The following ARB2A variants were observed in gnomAD, a reference collection of about 807,000 sequenced individuals.
The protein encoded by ARB2A is ARB2 cotranscriptional regulator A, also known as cotranscriptional regulator ARB2A.
At chr5:93,793,827 G>A in the ARB2A span, among the ~76,000 whole-genome samples, 1 of 152,176 alleles carries the variant, frequency 6.6e-6, no homozygotes, top group Admixed American at 6.5e-5. Flanking sequence ...AAGGTGACAT[G>A]CAGGTCCCAT....
chr5:94,038,459 A>AT, the ARB2A span, among the ~76,000 whole-genome samples: 5 of 152,088 alleles, frequency 3.3e-5, no homozygotes, highest in Non-Finnish European at 4.4e-5. Flanking sequence ...AGGGCTATGT[A>AT]TTTTTTAAAG....
At chr5:93,637,509 C>G in the ARB2A span, among the ~76,000 whole-genome samples, 2 of 151,966 alleles carry the variant, frequency 1.3e-5, no homozygotes, top group African/African-American at 4.8e-5. Flanking sequence ...CTAGGTTGTA[C>G]GTTAGTTGCA....
chr5:93,682,436 G>A, the ARB2A span, among the ~76,000 whole-genome samples: 1 of 150,440 alleles, frequency 6.6e-6, no homozygotes, highest in Non-Finnish European at 1.5e-5. Flanking sequence ...AAATTTCCCT[G>A]AATTTCTCTT....
chr5:93,670,570 A>G, the ARB2A span, among the ~76,000 whole-genome samples: 1 of 152,226 alleles, frequency 6.6e-6, no homozygotes, highest in Admixed American at 6.5e-5. Flanking sequence ...TCACTTAGAA[A>G]TACCTTCTAT....
chr5:93,822,399 G>A, the ARB2A span, among the ~76,000 whole-genome samples: 3 of 152,240 alleles, frequency 2.0e-5, no homozygotes, highest in African/African-American at 7.2e-5. Flanking sequence ...TGTAAAAACT[G>A]TCCAAAAGGA....
At chr5:94,076,302 A>G in the ARB2A span, among the ~76,000 whole-genome samples, 1 of 152,162 alleles carries the variant, frequency 6.6e-6, no homozygotes, top group Non-Finnish European at 1.5e-5. Context: ...GCTACTTTTC[A>G]CTGGGAAAGC....
chr5:93,640,312 A>G, the ARB2A span, among the ~76,000 whole-genome samples: 32 of 148,592 alleles, frequency 2.2e-4, no homozygotes, highest in Non-Finnish European at 4.2e-4. Context: ...AGCTGGGCAT[A>G]GTGGTGGGTG....
the ARB2A span, among the ~76,000 whole-genome samples, chr5:93,689,924 G>A: frequency 1.3e-5 from 2 of 152,076 alleles, no homozygotes; most frequent in Admixed American, 1.3e-4. Flanking sequence ...AAGTCAGGTG[G>A]GGCATCTCAT....
the ARB2A span, among the ~76,000 whole-genome samples, chr5:93,643,400 A>G: frequency 6.6e-6 from 1 of 152,206 alleles, no homozygotes; most frequent in Non-Finnish European, 1.5e-5. Context: ...GAAGTCCCAA[A>G]TTTGATGGCA....
At chr5:93,701,236 CT>C in the ARB2A span, among the ~76,000 whole-genome samples, 6 of 152,124 alleles carry the variant, frequency 3.9e-5, no homozygotes, top group African/African-American at 9.7e-5. Context: ...CAGTTTATCT[CT>C]TTTAAAATGC....
chr5:93,921,579 C>T, the ARB2A span, among the ~76,000 whole-genome samples: 4 of 151,834 alleles, frequency 2.6e-5, no homozygotes, highest in South Asian at 8.3e-4. Flanking sequence ...GACAAAAGTG[C>T]CCAATTCTGG....
At chr5:93,882,961 A>T in the ARB2A span, among the ~76,000 whole-genome samples, 1 of 151,560 alleles carries the variant, frequency 6.6e-6, no homozygotes, top group Non-Finnish European at 1.5e-5. Context: ...TGCCAAACCA[A>T]CCATAAGATG....
At chr5:93,717,384 A>G in the ARB2A span, among the ~76,000 whole-genome samples, 7 of 151,954 alleles carry the variant, frequency 4.6e-5, no homozygotes, top group African/African-American at 1.7e-4. Context: ...TGTGTGTGGC[A>G]AAACAACCAG....
At chr5:93,798,747 A>G in the ARB2A span, among the ~76,000 whole-genome samples, 2 of 152,130 alleles carry the variant, frequency 1.3e-5, no homozygotes, top group African/African-American at 4.8e-5. Flanking sequence ...TCCAAGTTCC[A>G]CAACTGATAA....
the ARB2A span, chr5:93,620,990 C>T: frequency 6.2e-7 from 1 of 1,608,888 alleles, no homozygotes; most frequent in Non-Finnish European, 8.5e-7. Context: ...GCTCCTCTTA[C>T]AGCTCTTCGT....
At chr5:94,014,594 T>C in the ARB2A span, among the ~76,000 whole-genome samples, 3 of 152,122 alleles carry the variant, frequency 2.0e-5, no homozygotes, top group Non-Finnish European at 4.4e-5. Flanking sequence ...ATGAGCTTTC[T>C]GACCAAGAAT....
At chr5:93,757,330 C>T in the ARB2A span, among the ~76,000 whole-genome samples, 1 of 152,012 alleles carries the variant, frequency 6.6e-6, no homozygotes, top group Non-Finnish European at 1.5e-5. Context: ...GAAAACTTAC[C>T]CAGCCTTGTG....
At chr5:93,678,483 C>T in the ARB2A span, among the ~76,000 whole-genome samples, 6 of 152,112 alleles carry the variant, frequency 3.9e-5, no homozygotes, top group Non-Finnish European at 8.8e-5. Flanking sequence ...TGGCCGAGTG[C>T]GGTGGCTCAC....
chr5:93,877,676 T>A, the ARB2A span, among the ~76,000 whole-genome samples: 1 of 152,168 alleles, frequency 6.6e-6, no homozygotes, highest in Non-Finnish European at 1.5e-5. Flanking sequence ...CAGTACCTGG[T>A]AAATTCCATG....
Sources: allele counts gnomAD v4.1 joint callset (sites outside exome capture counted in the v4.1 genomes callset), GRCh38; gene constraint gnomAD v4.1.1; transcripts MANE v1.5; gene names NCBI Gene and HGNC (gene_info 2026-07-23, HGNC 2026-07-21).